Variants in SLF2 observed in about 807,000 individuals in gnomAD.
The protein encoded by SLF2 is SMC5/6 complex localization factor 2.
Under a neutral mutation model 124.3 loss-of-function variants are expected in SLF2, and 68 were observed. The observed-to-expected ratio is 0.55, with a 90% CI of 0.45 to 0.67. SLF2 has a LOEUF of 0.67. Ranked by LOEUF, SLF2 falls within the 30% of genes least tolerant of loss-of-function variation. The pLI is 0.00. For missense variants in SLF2, 1,246 were observed against 1,373.7 expected (o/e 0.91, Z 1.47); for synonymous variants, 480 against 478.8 (o/e 1.00, Z -0.03).
At chr10:100,935,951 C>T (rs1477900297) in intron 9 of SLF2, among the ~76,000 whole-genome samples, 1 of 148,500 alleles carries the variant, frequency 6.7e-6, no homozygotes, top group African/African-American at 2.5e-5. Flanking sequence ...CTCAACCTCC[C>T]AGGTTCAAGT....
intron 9 of SLF2, among the ~76,000 whole-genome samples, chr10:100,932,692 AGTGTGTGTGTGTGTGT>A (rs111530755): frequency 7.5e-6 from 1 of 133,540 alleles, no homozygotes; most frequent in African/African-American, 2.6e-5. Flanking sequence ...ACAAACAATA[AGTGTGTGTGTGTGTGT>A]GTGTGTGTGT....
intron 1 of SLF2, chr10:100,913,486 G>C: frequency 7.9e-7 from 1 of 1,271,236 alleles, no homozygotes; most frequent in Non-Finnish European, 9.9e-7. Flanking sequence ...GGACAGCTAC[G>C]GAGAACCCGC....
At chr10:100,946,227 A>G (rs985804982) in intron 13 of SLF2, among the ~76,000 whole-genome samples, 5 of 151,636 alleles carry the variant, frequency 3.3e-5, no homozygotes, top group African/African-American at 1.2e-4. Context: ...AACCGACCCT[A>G]TATTTCCTTT....
chr10:100,930,145 C>T, intron 8 of SLF2, 148 bp downstream of exon 8: 1 of 500,088 alleles, frequency 2.0e-6, no homozygotes, highest in Non-Finnish European at 3.4e-6. Flanking sequence ...TTTATGTTTT[C>T]TTCTTTAATT....
intron 17 of SLF2, among the ~76,000 whole-genome samples, chr10:100,955,536 GATC>G (rs1202282109): frequency 6.6e-6 from 1 of 152,018 alleles, no homozygotes; most frequent in Non-Finnish European, 1.5e-5. Flanking sequence ...GAAGTGGGAG[GATC>G]ACTTGAAGCC....
intron 14 of SLF2, 99 bp downstream of exon 14, chr10:100,947,235 A>G (rs1428110267): frequency 3.0e-6 from 2 of 669,054 alleles, no homozygotes; most frequent in African/African-American, 3.8e-5. Flanking sequence ...TTTGAATGTT[A>G]GATCAGATAT....
chr10:100,921,179 C>T (rs535566933), intron 4 of SLF2, among the ~76,000 whole-genome samples: 1 of 152,150 alleles, frequency 6.6e-6, no homozygotes, highest in Non-Finnish European at 1.5e-5. Context: ...TAGTACATTT[C>T]GTAACTGATT....
At chr10:100,931,118 A>G in intron 9 of SLF2, 40 bp downstream of exon 9, 2 of 1,450,016 alleles carry the variant, frequency 1.4e-6, no homozygotes, top group Non-Finnish European at 1.9e-6. Flanking sequence ...GCCTCCTACT[A>G]TATTTCTAAG....
chr10:100,915,182 G>T (rs897067636), intron 1 of SLF2, among the ~76,000 whole-genome samples: 5 of 152,074 alleles, frequency 3.3e-5, no homozygotes, highest in Non-Finnish European at 7.4e-5. Context: ...AATTAATTTG[G>T]TTTTTGTTAT....
intron 18 of SLF2, among the ~76,000 whole-genome samples, chr10:100,957,330 ATTTTTTTTT>A (rs71013477): frequency 5.9e-4 from 54 of 91,834 alleles, no homozygotes; most frequent in African/African-American, 3.4e-3. Context: ...GGAGTCTTCA[ATTTTTTTTT>A]TTTTTTTTTT....
In SLF2 at chr10:100,963,524, T is replaced by C. The variant is rs1436597453; in HGVS notation, c.*1612T>C. On this transcript the variant is annotated 3_prime_UTR_variant, in exon 20 of 20. Transcript: ENST00000238961. ...TGCCACTTATGGTTAAAGAGATAGA[T>C]ACAAAGAGTTCTATTTGACAGAAGC... is the stretch of plus-strand genomic sequence containing the variant. 6.6e-6 allele frequency: 1 copy of C among 152,640 alleles called. No individual in the cohort carries two copies. The highest frequency in any genetic ancestry group is 2.4e-5 in the African/African-American group (1 of 41,458). 9.5% of individuals were successfully genotyped at this position (152,640 alleles called of 1,614,324 possible). A position where few individuals can be genotyped will look rare whatever the true frequency, so the allele number is the denominator to read the frequency against.
chr10:100,959,507 G>T lies in SLF2; in HGVS notation c.3486+11G>T. On this transcript the variant is annotated intron_variant, in intron 19 of 19. Coordinates refer to ENST00000238961, the MANE Select transcript of SLF2 (RefSeq NM_018121.4). ...TGTCGGCCTACTCAGGTGTCATTTT[G>T]TTATACAATTTCATGTATTCTTAAT... The T allele has an allele frequency of 6.2e-7, 1 of 1,611,592 alleles. No homozygotes were observed. Among genetic ancestry groups the T allele is most frequent in the South Asian group, 1.1e-5 (1 of 90,762 alleles).
intron 13 of SLF2, among the ~76,000 whole-genome samples, chr10:100,946,635 G>A (rs944546924): frequency 1.3e-5 from 2 of 151,930 alleles, no homozygotes; most frequent in African/African-American, 4.8e-5. Context: ...CCAGGTGTTA[G>A]GCTTTTAAAA....
In SLF2 at chr10:100,924,490, C is replaced by G; in HGVS notation, c.1489C>G (p.Pro497Ala). 1.2e-6 allele frequency: 2 copies of G among 1,614,082 alleles called. No individual in the cohort carries two copies. The highest frequency in any genetic ancestry group is 2.2e-5 in the East Asian group (1 of 44,884). ...VPLNAKNCAL[P>A]VSKKDKERSS... is the part of the protein sequence containing the mutation. ...ATTAAATGCTAAAAATTGTGCTCTT[C>G]CAGTTTCTAAAAAAGATAAAGAGCG... The change falls in exon 5 of 20, where the codon CCA becomes GCA. Residue 497 changes from proline (P) to alanine (A), a missense_variant. By Grantham distance (27) the Pro-to-Ala change is conservative. Coordinates refer to ENST00000238961, the MANE Select transcript of SLF2 (RefSeq NM_018121.4).
chr10:100,940,575 TG>T (rs1849950212), intron 11 of SLF2, among the ~76,000 whole-genome samples: 1 of 152,196 alleles, frequency 6.6e-6, no homozygotes, highest in Admixed American at 6.5e-5. Context: ...TTGCCCAGGC[TG>T]GTCTCGAACC....
chr10:100,918,361 AT>A, intron 3 of SLF2, 22 bp from the exon 4 acceptor site: 2 of 1,523,876 alleles, frequency 1.3e-6, no homozygotes, highest in Non-Finnish European at 1.8e-6. Context: ...CACTTAATTA[AT>A]TTTATCTCAT....
In SLF2 at chr10:100,944,146, T is replaced by C. The variant is rs772057390; in HGVS notation, c.2757+18T>C. The C allele has an allele frequency of 1.2e-5, 18 of 1,490,506 alleles. No individual in the cohort carries two copies. The highest frequency in any genetic ancestry group is 2.8e-5 in the African/African-American group (2 of 71,910). The allele number at this position is 1,490,506 out of a possible 1,614,324, so 92.3% of individuals were successfully genotyped here. Reference sequence around the variant, plus strand: ...TGGTTAAGGTAGGAAAGAACTTTTATGTGTCTTCTGCTCAGAGCTAGAACC... The same window carrying C: ...TGGTTAAGGTAGGAAAGAACTTTTACGTGTCTTCTGCTCAGAGCTAGAACC... On this transcript the variant is annotated intron_variant, in intron 12 of 19. Transcript: ENST00000238961.
intron 4 of SLF2, among the ~76,000 whole-genome samples, chr10:100,920,184 A>G (rs1295537548): frequency 6.6e-6 from 1 of 152,208 alleles, no homozygotes; most frequent in East Asian, 1.9e-4. Context: ...GCACATTTTT[A>G]ATACTAAATA....
At chr10:100,944,306 T>A (rs547604896) in intron 12 of SLF2, among the ~76,000 whole-genome samples, 178 bp downstream of exon 12, 7 of 151,984 alleles carry the variant, frequency 4.6e-5, no homozygotes, top group South Asian at 4.2e-4. Context: ...CCATCCTGGC[T>A]AACACGGTGA....
Sources: allele counts gnomAD v4.1 joint callset (sites outside exome capture counted in the v4.1 genomes callset), GRCh38; gene constraint gnomAD v4.1.1; transcripts MANE v1.5; gene names NCBI Gene and HGNC (gene_info 2026-07-23, HGNC 2026-07-21).